Variants in NDUFB6 observed in about 807,000 individuals in gnomAD.
NDUFB6 encodes the protein NADH dehydrogenase [ubiquinone] 1 beta subcomplex subunit 6.
In NDUFB6, 23 loss-of-function variants were observed where a neutral mutation model predicts 17.5. That is an observed-to-expected ratio of 1.31 (90% CI 0.94 to 1.86). NDUFB6 has a LOEUF of 1.86. NDUFB6 is among the 40% of genes most tolerant of loss of function. The probability of loss-of-function intolerance (pLI) is 0.00; values close to 1 mark genes in which losing one functional copy is unlikely to be tolerated. For missense variants in NDUFB6, 167 were observed against 153.8 expected (o/e 1.09, Z -0.46); for synonymous variants, 60 against 53.5 (o/e 1.12, Z -0.53).
At chr9:32,558,987 G>A in intron 2 of NDUFB6, 33 bp from the exon 3 acceptor site, 1 of 1,462,066 alleles carries the variant, frequency 6.8e-7, no homozygotes, top group Non-Finnish European at 9.4e-7. Flanking sequence ...GTTAATTATG[G>A]TGTTAAGAGT....
Position 32,553,922 on chromosome 9 carries a change from C to T in NDUFB6, c.341G>A (p.Gly114Glu). Residue 114 changes from glycine (G) to glutamate (E), a missense_variant, in exon 4 of 4, where the codon GGA (glycine) becomes GAA (glutamate). By Grantham distance (98) the Gly-to-Glu change is moderately conservative (BLOSUM62 -2). Coordinates refer to ENST00000379847, the MANE Select transcript of NDUFB6 (RefSeq NM_002493.5). ...TTCTTTCATTGGTGGAATTACTTCT[C>T]CAGTCTCCAGAATTGTATCACCCTA... Reference protein sequence around the residue: ...IFPGDTILETGEVIPPMKEFP... With the variant: ...IFPGDTILETEEVIPPMKEFP... 4 of 1,597,354 alleles carry T rather than the reference C, an allele frequency of 2.5e-6. No individual in the cohort carries two copies.
At chr9:32,568,809 G>A (rs1199010152) in intron 2 of NDUFB6, among the ~76,000 whole-genome samples, 3 of 141,748 alleles carry the variant, frequency 2.1e-5, no homozygotes, top group South Asian at 2.2e-4. Flanking sequence ...GGAGTGCAGT[G>A]GTGCAATCTC....
intron 2 of NDUFB6, chr9:32,566,789 G>T: frequency 1.1e-6 from 1 of 911,518 alleles, no homozygotes; most frequent in Non-Finnish European, 1.8e-6. Flanking sequence ...GGCTGACGTT[G>T]TACAGGAGGT....
intron 2 of NDUFB6, 21 bp from the exon 3 acceptor site, chr9:32,558,975 G>A: frequency 6.5e-7 from 1 of 1,542,452 alleles, no homozygotes; most frequent in Non-Finnish European, 8.9e-7. Flanking sequence ...AGTTAACTCT[G>A]TGTTAATTAT....
chr9:32,570,948 G>A lies in NDUFB6; in HGVS notation c.273+12C>T, dbSNP rs780887901. On this transcript the variant is annotated intron_variant, in intron 2 of 3. Coordinates refer to ENST00000379847, the MANE Select transcript of NDUFB6 (RefSeq NM_002493.5). ...CAATATTAAAAATGAATTCTGAAAAGGACATACTTACAGAAACATGATACT... is the reference window on the plus strand; with the variant it reads ...CAATATTAAAAATGAATTCTGAAAAAGACATACTTACAGAAACATGATACT... 3.3e-6 allele frequency: 5 copies of A among 1,525,122 alleles called. No homozygotes were observed. In the African/African-American group the frequency reaches 4.2e-5, roughly 13 times the overall value. The allele number at this position is 1,525,122 out of a possible 1,614,324, so 94.5% of individuals were successfully genotyped here.
At chr9:32,563,391 GAGTAC>G in intron 2 of NDUFB6, among the ~76,000 whole-genome samples, 1 of 151,496 alleles carries the variant, frequency 6.6e-6, no homozygotes, top group East Asian at 1.9e-4. Flanking sequence ...AGGATGGCTG[GAGTAC>G]AGTGGGCAGC....
intron 1 of NDUFB6, among the ~76,000 whole-genome samples, chr9:32,571,989 C>T (rs1821949778): frequency 6.6e-6 from 1 of 152,194 alleles, no homozygotes; most frequent in Non-Finnish European, 1.5e-5. Context: ...TATTCAATTC[C>T]TAGCTCCCTG....
chr9:32,563,488 G>A (rs1388889507), intron 2 of NDUFB6, among the ~76,000 whole-genome samples: 4 of 52,196 alleles, frequency 7.7e-5, no homozygotes, highest in Non-Finnish European at 1.8e-4. Flanking sequence ...TGGGACTATT[G>A]GGCTTTTTTT....
At chr9:32,562,108 T>C (rs1338786013) in intron 2 of NDUFB6, among the ~76,000 whole-genome samples, 1 of 152,204 alleles carries the variant, frequency 6.6e-6, no homozygotes, top group African/African-American at 2.4e-5. Context: ...TCTAGTCAGC[T>C]CCTCAGTCTT....
intron 2 of NDUFB6, chr9:32,566,729 G>A (rs1821802321): frequency 1.0e-5 from 9 of 899,644 alleles, no homozygotes; most frequent in Non-Finnish European, 1.7e-5. Context: ...GGGACTCCAA[G>A]CCTTCAAACC....
intron 3 of NDUFB6, among the ~76,000 whole-genome samples, chr9:32,556,677 T>C (rs1337739232): frequency 1.3e-5 from 2 of 152,150 alleles, no homozygotes; most frequent in Non-Finnish European, 2.9e-5. Context: ...CCTTTTCCTT[T>C]GAACAGTAAA....
intron 2 of NDUFB6, among the ~76,000 whole-genome samples, 158 bp from the exon 3 acceptor site, chr9:32,559,112 C>A (rs1289185681): frequency 6.6e-6 from 1 of 152,168 alleles, no homozygotes; most frequent in South Asian, 2.1e-4. Context: ...ACTTAGCTAT[C>A]AAACAGGCAT....
intron 2 of NDUFB6, chr9:32,567,223 A>G (rs73644989): frequency 0.029 from 13,652 of 474,150 alleles, 1,534 homozygotes; most frequent in African/African-American, 0.25. Flanking sequence ...GCTCTACACC[A>G]GGTGTGCTCT....
chr9:32,562,252 T>C (rs1360544004), intron 2 of NDUFB6, among the ~76,000 whole-genome samples: 3 of 152,258 alleles, frequency 2.0e-5, no homozygotes, highest in Non-Finnish European at 4.4e-5. Flanking sequence ...GTCAGGAATT[T>C]GGTCTTGTAT....
At chr9:32,559,893 T>C (rs1821579648) in intron 2 of NDUFB6, among the ~76,000 whole-genome samples, 3 of 152,198 alleles carry the variant, frequency 2.0e-5, no homozygotes, top group Admixed American at 6.5e-5. Flanking sequence ...AACAATGCCT[T>C]GCACATAAGA....
At chr9:32,568,398 T>C in intron 2 of NDUFB6, 1 of 253,392 alleles carries the variant, frequency 3.9e-6, no homozygotes, top group South Asian at 5.6e-5. Context: ...ACAAAGTGGT[T>C]TCTTGAGATG....
At chr9:32,566,186 T>C in intron 2 of NDUFB6, 2 of 743,390 alleles carry the variant, frequency 2.7e-6, no homozygotes. Context: ...CTCTTCAACC[T>C]TGTCTGGGGT....
chr9:32,566,546 G>A, intron 2 of NDUFB6: 1 of 773,092 alleles, frequency 1.3e-6, no homozygotes, highest in Non-Finnish European at 2.4e-6. Context: ...CTGTTGTATA[G>A]CTGCCGTCGT....
chr9:32,561,330 CT>C (rs58946235), intron 2 of NDUFB6, among the ~76,000 whole-genome samples: 228 of 144,670 alleles, frequency 1.6e-3, no homozygotes, highest in Non-Finnish European at 1.5e-3. Flanking sequence ...TCACTATTTT[CT>C]TTTTTTTTTT....
Sources: gnomAD v4.1 joint callset for allele counts (sites outside exome capture counted in the v4.1 genomes callset) on GRCh38, gnomAD v4.1.1 for gene constraint, MANE v1.5 for transcripts, NCBI Gene and HGNC (gene_info 2026-07-23, HGNC 2026-07-21) for gene names.